The following ALDH4A1 variants were observed in gnomAD, a reference collection of about 807,000 sequenced individuals.
The protein encoded by ALDH4A1 is aldehyde dehydrogenase 4 family member A1, also known as delta-1-pyrroline-5-carboxylate dehydrogenase, mitochondrial.
In ALDH4A1, 46 loss-of-function variants were observed where a neutral mutation model predicts 70.5. The ratio of observed to expected loss-of-function variants is 0.65; its 90% CI spans 0.51 to 0.83. ALDH4A1 has a LOEUF of 0.83. ALDH4A1 is among the 40% of genes least tolerant of loss of function. ALDH4A1 has a pLI of 0.00. For missense variants in ALDH4A1, 749 were observed against 766.5 expected (o/e 0.98, Z 0.27); for synonymous variants, 323 against 324.3 (o/e 1.00, Z 0.04).
In ALDH4A1 at chr1:18,877,530, G is replaced by T. The variant is rs769491686; in HGVS notation, c.1023C>A (p.Phe341Leu). ...CGGAACACTTCTGGCCACCGTACTC[G>T]AAGGCTGAGCGGAGGGTCCCGCTCA... ...SVVSGTLRSA[F>L]EYGGQKCSAC... The change falls in exon 10 of 15, where the codon TTC becomes TTA. Residue 341 changes from phenylalanine to leucine, a missense_variant. By Grantham distance (22) the Phe-to-Leu change is conservative (BLOSUM62 0). Coordinates refer to ENST00000375341, the MANE Select transcript of ALDH4A1 (RefSeq NM_003748.4). The T allele has an allele frequency of 1.4e-5, 22 of 1,611,842 alleles. No homozygotes were observed. Among genetic ancestry groups the T allele is most frequent in the Non-Finnish European group, 1.6e-5 (19 of 1,179,426 alleles).
chr1:18,878,645 C>T (rs1299813171), intron 9 of ALDH4A1, among the ~76,000 whole-genome samples: 1 of 152,160 alleles, frequency 6.6e-6, no homozygotes, highest in Non-Finnish European at 1.5e-5. Context: ...TTCCATGGCC[C>T]AATGCGTGTG....
At chr1:18,875,735 C>T (rs1254306068) in intron 12 of ALDH4A1, among the ~76,000 whole-genome samples, 1 of 152,204 alleles carries the variant, frequency 6.6e-6, no homozygotes, top group African/African-American at 2.4e-5. Context: ...AAGATGCAAA[C>T]ATTTTCTGGC....
In ALDH4A1 at chr1:18,872,802, AC is replaced by A. The variant is rs1228615095; in HGVS notation, c.*42del. ...TGGGGTCTGTGCAGTGAGGTCGGCC[AC>A]CTGGACGGACAGACAGCTGGACGGT... On this transcript the variant is annotated 3_prime_UTR_variant, in exon 15 of 15. Transcript: ENST00000375341. 1.9e-6 allele frequency: 3 copies of A among 1,544,518 alleles called. No individual in the cohort carries two copies. In the African/African-American group the frequency reaches 4.1e-5, roughly 21 times the overall value.
At chr1:18,889,130 C>T (rs984691131) in intron 3 of ALDH4A1, among the ~76,000 whole-genome samples, 7 of 152,232 alleles carry the variant, frequency 4.6e-5, no homozygotes, top group African/African-American at 7.2e-5. Flanking sequence ...GTGTGGCCCC[C>T]TCATGGCCTT....
intron 1 of ALDH4A1, chr1:18,900,751 T>C (rs1429109253): frequency 1.5e-6 from 1 of 682,872 alleles, no homozygotes; most frequent in Non-Finnish European, 1.8e-6. Flanking sequence ...CTCTTTCCCC[T>C]CTCAATTCAG....
At chr1:18,873,226 G>A (rs1329498910) in intron 14 of ALDH4A1, among the ~76,000 whole-genome samples, 1 of 152,148 alleles carries the variant, frequency 6.6e-6, no homozygotes, top group African/African-American at 2.4e-5. Context: ...GGCAGGGTGT[G>A]GCGTGGAGAG....
intron 9 of ALDH4A1, among the ~76,000 whole-genome samples, chr1:18,879,016 T>A (rs7364434): frequency 0.28 from 42,975 of 152,094 alleles, 6,919 homozygotes; most frequent in East Asian, 0.58. Context: ...CTACTAAGAT[T>A]TAACTTAATT....
At chr1:18,876,125 C>T (rs1186746002) in intron 12 of ALDH4A1, among the ~76,000 whole-genome samples, 190 bp downstream of exon 12, 2 of 152,182 alleles carry the variant, frequency 1.3e-5, no homozygotes, top group African/African-American at 2.4e-5. Flanking sequence ...GACACAGCCC[C>T]GGATTTGGAG....
rs1379607737 is a variant in ALDH4A1, at chr1:18,872,348, A to C, written c.*497T>G. 1 of 155,132 alleles carries C rather than the reference A, an allele frequency of 6.4e-6. No individual in the cohort carries two copies. The highest frequency in any genetic ancestry group is 2.4e-5 in the African/African-American group (1 of 41,490). 9.6% of individuals were successfully genotyped at this position (155,132 alleles called of 1,614,324 possible). A position where few individuals can be genotyped will look rare whatever the true frequency, so the allele number is the denominator to read the frequency against. On this transcript the variant is annotated 3_prime_UTR_variant, in exon 15 of 15. Transcript: ENST00000375341. ...CAAAGATACAGTGAGGAAGGTAGAC[A>C]GCCCAGACCAGAGAGGGCAAGGCCA...
rs368109818 is a variant in ALDH4A1, at chr1:18,877,782, G to A, written c.941-170C>T. Among the ~76,000 whole-genome samples, 15 of 152,290 alleles carry A rather than the reference G, an allele frequency of 9.8e-5. No individual in the cohort carries two copies. In the East Asian group the frequency reaches 1.7e-3, roughly 18 times the overall value. ...GCTGGCCAACATCCCAGAGACCCAC[G>A]GGCCAGGCCCATTCTCCCACTCCAC... On this transcript the variant is annotated intron_variant, in intron 9 of 14. Coordinates refer to ENST00000375341, the MANE Select transcript of ALDH4A1 (RefSeq NM_003748.4).
Position 18,885,455 on chromosome 1 carries a change from G to GCCCCCCCCCCCC in ALDH4A1, c.453+17_453+18insGGGGGGGGGGGG. ...CACCCCACCCCGCCCCACCCACCCG[G>GCCCCCCCCCCCC]GCCCACCAGCACCTCACCTGTCCCA... is the stretch of plus-strand genomic sequence containing the variant. On this transcript the variant is annotated intron_variant, in intron 5 of 14. Transcript: ENST00000375341. 3.4e-6 allele frequency: 1 copy of GCCCCCCCCCCCC among 292,248 alleles called. No homozygotes were observed. Among genetic ancestry groups the GCCCCCCCCCCCC allele is most frequent in the Non-Finnish European group, 5.5e-6 (1 of 181,766 alleles). 18.1% of individuals were successfully genotyped at this position (292,248 alleles called of 1,614,324 possible). A position where few individuals can be genotyped will look rare whatever the true frequency, so the allele number is the denominator to read the frequency against.
intron 8 of ALDH4A1, 72 bp downstream of exon 8, chr1:18,881,628 C>G (rs1934969126): frequency 2.0e-6 from 3 of 1,507,734 alleles, no homozygotes; most frequent in Non-Finnish European, 2.7e-6. Context: ...CAGCCCCATC[C>G]CCAGGCAGAC....
Position 18,883,823 on chromosome 1 carries a change from A to G in ALDH4A1, c.454-395T>C, listed in dbSNP as rs1423524066. Among the ~76,000 whole-genome samples, 4 of 152,164 alleles carry G rather than the reference A, an allele frequency of 2.6e-5. No homozygotes were observed. The East Asian group carries it at 7.7e-4, about 29-fold the overall frequency. ...AAGGGCAGATTAGCATGAGCTGGAGATTGGTCACTGGAAAACCAGGAGAGA... is the reference window on the plus strand; with the variant it reads ...AAGGGCAGATTAGCATGAGCTGGAGGTTGGTCACTGGAAAACCAGGAGAGA... On this transcript the variant is annotated intron_variant, in intron 5 of 14. Transcript: ENST00000375341.
At chr1:18,889,238 G>T in intron 3 of ALDH4A1, 124 bp downstream of exon 3, 1 of 840,972 alleles carries the variant, frequency 1.2e-6, no homozygotes, top group Non-Finnish European at 1.9e-6. Context: ...CAAAATCTGG[G>T]GTGGGGAGGG....
intron 7 of ALDH4A1, chr1:18,882,452 CTCCCCCA>C (rs1411784645): frequency 2.2e-6 from 1 of 462,566 alleles, no homozygotes; most frequent in African/African-American, 2.0e-5. Context: ...TGGGCTGCAC[CTCCCCCA>C]CAGGCCTGGG....
intron 14 of ALDH4A1, among the ~76,000 whole-genome samples, chr1:18,873,822 C>T (rs1056817714): frequency 2.6e-5 from 4 of 152,208 alleles, no homozygotes; most frequent in African/African-American, 9.7e-5. Context: ...GTTCTAACAA[C>T]GTATCAAAAC....
At chr1:18,892,787 C>G (rs1935487070) in intron 1 of ALDH4A1, among the ~76,000 whole-genome samples, 2 of 152,114 alleles carry the variant, frequency 1.3e-5, no homozygotes, top group South Asian at 4.1e-4. Context: ...AGTTTCCCTC[C>G]CTCCCTAAAA....
intron 10 of ALDH4A1, 52 bp downstream of exon 10, chr1:18,877,364 C>T: frequency 6.4e-7 from 1 of 1,553,422 alleles, no homozygotes; most frequent in Non-Finnish European, 8.7e-7. Context: ...CCCAGGGACC[C>T]AATCCCATCA....
At chr1:18,876,661 C>G (rs868764247) in intron 11 of ALDH4A1, among the ~76,000 whole-genome samples, 194 bp from the exon 12 acceptor site, 6 of 146,732 alleles carry the variant, frequency 4.1e-5, no homozygotes, top group African/African-American at 1.5e-4. Context: ...GACATGAACA[C>G]TGTGTGTGTG....
Sources: allele counts gnomAD v4.1 joint callset (sites outside exome capture counted in the v4.1 genomes callset), GRCh38; gene constraint gnomAD v4.1.1; transcripts MANE v1.5; gene names NCBI Gene and HGNC (gene_info 2026-07-23, HGNC 2026-07-21).